The following HR variants were observed in gnomAD, a reference collection of about 807,000 sequenced individuals.
HR encodes lysine-specific demethylase hairless.
Under a neutral mutation model 128.6 loss-of-function variants are expected in HR, and 83 were observed. The observed-to-expected ratio is 0.65, with a 90% CI of 0.54 to 0.77. The LOEUF (loss-of-function observed/expected upper bound fraction) is 0.77, where lower values mean the gene tolerates loss of function less well. HR is among the 30% of genes least tolerant of loss of function. The probability of loss-of-function intolerance (pLI) is 0.00; values close to 1 mark genes in which losing one functional copy is unlikely to be tolerated. For missense variants in HR, 1,490 were observed against 1,574.6 expected (o/e 0.95, Z 0.91); for synonymous variants, 681 against 658.2 (o/e 1.03, Z -0.53).
chr8:22,128,138 A>G, intron 2 of HR: 1 of 535,450 alleles, frequency 1.9e-6, no homozygotes, highest in South Asian at 2.1e-5. Context: ...CTGAGTTTTA[A>G]GTGTTTTAAC....
At chr8:22,128,041 A>T in intron 2 of HR, 1 of 637,418 alleles carries the variant, frequency 1.6e-6, no homozygotes, top group East Asian at 2.8e-5. Flanking sequence ...CGTCCCCACA[A>T]GGAAGTCTAA....
At position 22,127,094 on chromosome 8, in the gene HR, G is replaced by C; in HGVS notation, c.1348C>G (p.Arg450Gly). 6.2e-7 allele frequency: 1 copy of C among 1,610,830 alleles called. No homozygotes were observed. Among genetic ancestry groups the C allele is most frequent in the African/African-American group, 1.3e-5 (1 of 74,954 alleles). Residue 450 changes from arginine to glycine, a missense_variant, in exon 3 of 19, where the codon CGG becomes GGG. Physicochemically the swap from Arg to Gly is moderately radical, Grantham distance 125 (BLOSUM62 -2). Coordinates refer to ENST00000381418, the MANE Select transcript of HR (RefSeq NM_005144.5). ...TCCTTGTTCCCTATCGATGTGTCCC[G>C]CACCTCCTGCCAACCCCCAGCCCCC... Reference protein sequence around the residue: ...EQGAGGWQEVRDTSIGNKDVD... With the variant: ...EQGAGGWQEVGDTSIGNKDVD...
chr8:22,122,993 C>A, intron 6 of HR, 114 bp from the exon 7 acceptor site: 2 of 1,007,902 alleles, frequency 2.0e-6, no homozygotes, highest in East Asian at 2.6e-5. Flanking sequence ...GTCCACAAAA[C>A]TCGTGCTTTC....
chr8:22,124,203 T>C (rs1292536037), intron 5 of HR, among the ~76,000 whole-genome samples: 14 of 152,194 alleles, frequency 9.2e-5, no homozygotes, highest in Admixed American at 9.2e-4. Flanking sequence ...GTGGTAACCA[T>C]GCTCAGGTGC....
At position 22,114,769 on chromosome 8, in the gene HR, A is replaced by G. The variant is rs76436208; in HGVS notation, c.*931T>C. The G allele has an allele frequency of 4.2e-3, 639 of 152,542 alleles. 32 individuals carry two copies. The East Asian group carries it at 0.1, about 24-fold the overall frequency. The allele number at this position is 152,542 out of a possible 1,614,324, so 9.4% of individuals were successfully genotyped here. A position where few individuals can be genotyped will look rare whatever the true frequency, so the allele number is the denominator to read the frequency against. On this transcript the variant is annotated 3_prime_UTR_variant, in exon 19 of 19. Coordinates refer to ENST00000381418, the MANE Select transcript of HR (RefSeq NM_005144.5). ...GGGCGGACTGGAGCTTGCTGGGTGG[A>G]GTAGGGCTCGGGAGTCTCTGCACAG...
chr8:22,123,616 A>AGGGGGGCCCCC, intron 6 of HR, 33 bp downstream of exon 6: 2 of 562,348 alleles, frequency 3.6e-6, no homozygotes, highest in Non-Finnish European at 3.0e-6. Context: ...TGAGGGCTCC[A>AGGGGGGCCCCC]TCCCGCCCTC....
Position 22,121,689 on chromosome 8 carries a change from T to G in HR, c.2127A>C (p.Glu709Asp), listed in dbSNP as rs773874844. 5.0e-6 allele frequency: 8 copies of G among 1,614,154 alleles called. No individual in the cohort carries two copies. The highest frequency in any genetic ancestry group is 6.8e-6 in the Non-Finnish European group (8 of 1,180,026). ...WAPGDAGQQK[E>D]STQKTPPTPQ... ...GAGTTGGGGGCGTTTTCTGTGTTGA[T>G]TCCTTCTGTTAAACCCATCCACCAC... The change falls in exon 9 of 19, where the codon GAA (glutamate) becomes GAC (aspartate). Residue 709 changes from glutamate (E) to aspartate (D), a missense_variant. Physicochemically the swap from Glu to Asp is conservative, Grantham distance 45. Coordinates refer to ENST00000381418, the MANE Select transcript of HR (RefSeq NM_005144.5).
At position 22,128,937 on chromosome 8, in the gene HR, G is replaced by T. The variant is rs746615772; in HGVS notation, c.234C>A (p.Gly78=). Residue 78 remains glycine, a synonymous_variant, in exon 2 of 19, where the codon GGC becomes GGA. Coordinates refer to ENST00000381418, the MANE Select transcript of HR (RefSeq NM_005144.5). ...TCCTCTCCCCATTCTGGGGGCCCTC[G>T]CCCTCCACAAGTGGGAGCATGTCCT... ...GPKDMLPLVE[G]EGPQNGERKV... 1.2e-6 allele frequency: 2 copies of T among 1,613,446 alleles called. No individual in the cohort carries two copies. Among genetic ancestry groups the T allele is most frequent in the Non-Finnish European group, 1.7e-6 (2 of 1,180,006 alleles).
intron 14 of HR, 25 bp downstream of exon 14, chr8:22,119,735 T>G (rs200659860): frequency 6.3e-7 from 1 of 1,591,056 alleles, no homozygotes; most frequent in African/African-American, 1.3e-5. Flanking sequence ...GAGTAGAGAC[T>G]GGGCAGGAGT....
chr8:22,118,781 C>A, intron 16 of HR, 169 bp downstream of exon 16: 1 of 626,102 alleles, frequency 1.6e-6, no homozygotes, highest in Non-Finnish European at 2.8e-6. Context: ...CGGCAGAACT[C>A]CGGGTCCCCT....
chr8:22,122,597 G>T lies in HR; in HGVS notation c.2017C>A (p.Leu673Met). 1 of 1,610,306 alleles carries T rather than the reference G, an allele frequency of 6.2e-7. No homozygotes were observed. Among genetic ancestry groups the T allele is most frequent in the Non-Finnish European group, 8.5e-7 (1 of 1,178,480 alleles). Residue 673 changes from leucine to methionine, a missense_variant, in exon 8 of 19, where the codon CTG (leucine) becomes ATG (methionine). Transcript: ENST00000381418. ...QFVSSQALAE[L>M]STAMHQVWVK... ...CAGACCTGGTGCATTGCAGTGCTCA[G>T]CTCTGCCAAAGCTGGGGGTGGGGGT...
chr8:22,118,881 T>A (rs1449354878), intron 16 of HR, 69 bp downstream of exon 16: 1 of 1,341,238 alleles, frequency 7.5e-7, no homozygotes, highest in Non-Finnish European at 1.1e-6. Flanking sequence ...GACCGCACAC[T>A]GGGGTGGGAC....
intron 6 of HR, 96 bp from the exon 7 acceptor site, chr8:22,122,975 A>G: frequency 8.6e-7 from 1 of 1,167,992 alleles, no homozygotes; most frequent in South Asian, 1.3e-5. Context: ...AAACCAGGGG[A>G]CTCAATAGTC....
chr8:22,125,209 T>A, intron 5 of HR, 102 bp downstream of exon 5: 10 of 1,210,982 alleles, frequency 8.3e-6, no homozygotes, highest in Non-Finnish European at 1.2e-5. Context: ...TCTTCTGAGG[T>A]TGCCTTAGGT....
At chr8:22,118,766 C>A in intron 16 of HR, 184 bp downstream of exon 16, 1 of 611,690 alleles carries the variant, frequency 1.6e-6, no homozygotes, top group Non-Finnish European at 2.9e-6. Flanking sequence ...CTTCTCTGAG[C>A]CCCACGGCAG....
rs1341752698 is a variant in HR, at chr8:22,123,630, C to T, written c.1915+19G>A. The T allele has an allele frequency of 2.9e-6, 4 of 1,400,624 alleles. No homozygotes were observed. Among genetic ancestry groups the T allele is most frequent in the East Asian group, 2.5e-5 (1 of 39,500 alleles). The allele number at this position is 1,400,624 out of a possible 1,614,324, so 86.8% of individuals were successfully genotyped here. ...CTGAGGGCTCCATCCCGCCCTCCCA[C>T]CCCCAGCCCCTCTCCTACCTGCTTT... is the stretch of plus-strand genomic sequence containing the variant. On this transcript the variant is annotated intron_variant, in intron 6 of 18. Coordinates refer to ENST00000381418, the MANE Select transcript of HR (RefSeq NM_005144.5).
intron 6 of HR, 32 bp downstream of exon 6, chr8:22,123,617 T>TGGGGGGCGGCC: frequency 3.4e-6 from 1 of 292,092 alleles, no homozygotes; most frequent in Non-Finnish European, 6.2e-6. Context: ...GAGGGCTCCA[T>TGGGGGGCGGCC]CCCGCCCTCC....
rs776309442 is a variant in HR at position 22,127,667 on chromosome 8, G to A, written c.775C>T (p.Arg259Trp). The A allele has an allele frequency of 3.5e-5, 56 of 1,609,140 alleles. No individual in the cohort carries two copies. In the South Asian group the frequency reaches 5.2e-4, roughly 15 times the overall value. ...HQRDGEMGAGRQQNPCPLFLG... is the reference protein window; with the variant it reads ...HQRDGEMGAGWQQNPCPLFLG... ...AAGAGCGGGCAAGGATTCTGCTGCC[G>A]GCCAGCTCCCATCTCTCCATCCCTC... Residue 259 changes from arginine to tryptophan, a missense_variant, in exon 3 of 19, where the codon CGG (arginine) becomes TGG (tryptophan). Around this residue, in one of 3 missense-constraint regions of HR, gnomAD observed 1,060 missense variants for 1,060.9 expected, o/e 1.00. Coordinates refer to ENST00000381418, the MANE Select transcript of HR (RefSeq NM_005144.5).
At chr8:22,118,726 G>T in intron 16 of HR, 1 of 589,882 alleles carries the variant, frequency 1.7e-6, no homozygotes, top group South Asian at 2.0e-5. Context: ...TCATCATCGG[G>T]TCCAGGCTCT....
Sources: gnomAD v4.1 joint callset for allele counts (sites outside exome capture counted in the v4.1 genomes callset) on GRCh38, gnomAD v4.1.1 for gene constraint, gnomAD v4.1.1 regional missense constraint, MANE v1.5 for transcripts, NCBI Gene and HGNC (gene_info 2026-07-23, HGNC 2026-07-21) for gene names.